GLP2R: variants seen among roughly 807,000 people sequenced by gnomAD.
The protein encoded by GLP2R is glucagon like peptide 2 receptor.
A neutral mutation model predicts 68.2 loss-of-function variants in GLP2R; 59 were observed. The observed-to-expected ratio is 0.87, with a 90% CI of 0.70 to 1.07. The LOEUF is 1.07. GLP2R is among the 50% of genes least tolerant of loss of function. The pLI, the probability that GLP2R is intolerant of heterozygous loss-of-function variation, is 0.00. For missense variants in GLP2R, 548 were observed against 677.4 expected, an observed-to-expected ratio of 0.81 and a Z score of 2.12; for synonymous variants, 270 against 265.4, an observed-to-expected ratio of 1.02 and a Z score of -0.17.
chr17:9,877,856 G>A (rs776626026), intron 10 of GLP2R, among the ~76,000 whole-genome samples: 71 of 131,130 alleles, frequency 5.4e-4, no homozygotes, highest in Admixed American at 1.9e-3. Flanking sequence ...CAGCCTGGGC[G>A]ACAGAACGAG....
chr17:9,837,216 T>C (rs1020803350), intron 3 of GLP2R, among the ~76,000 whole-genome samples: 3 of 152,014 alleles, frequency 2.0e-5, no homozygotes, highest in Non-Finnish European at 4.4e-5. Flanking sequence ...TTATTCATTC[T>C]TTCTATTTTT....
intron 10 of GLP2R, among the ~76,000 whole-genome samples, chr17:9,872,656 T>C (rs2067105894): frequency 6.6e-6 from 1 of 152,162 alleles, no homozygotes; most frequent in African/African-American, 2.4e-5. Flanking sequence ...TGCTAAGGAC[T>C]AGGATGTTGG....
At chr17:9,886,381 T>G (rs1446450857) in intron 11 of GLP2R, among the ~76,000 whole-genome samples, 1 of 152,058 alleles carries the variant, frequency 6.6e-6, no homozygotes, top group East Asian at 1.9e-4. Flanking sequence ...CCTAGGATGT[T>G]CCTAAAACTG....
At position 9,861,140 on chromosome 17, in the gene GLP2R, C is replaced by A; in HGVS notation, c.927C>A (p.Ala309=). 6.2e-7 allele frequency: 1 copy of A among 1,613,416 alleles called. No individual in the cohort carries two copies. Among genetic ancestry groups the A allele is most frequent in the Non-Finnish European group, 8.5e-7 (1 of 1,179,476 alleles). The stretch of plus-strand genomic sequence containing the variant: ...CATTTCCCTGTGTTTTCTCCCCAGC[C>A]TTCCCTGTGCTATTTGTTGTACCCT... ...LWPRYLLLGW[A]FPVLFVVPWG... is the part of the protein sequence containing the mutation. Residue 309 remains alanine, a splice_region_variant and synonymous_variant, in exon 8 of 13, where the codon GCC becomes GCA. Coordinates refer to ENST00000262441, the MANE Select transcript of GLP2R (RefSeq NM_004246.3).
At chr17:9,869,173 G>A (rs1043649053) in intron 9 of GLP2R, among the ~76,000 whole-genome samples, 2 of 151,996 alleles carry the variant, frequency 1.3e-5, no homozygotes, top group East Asian at 1.9e-4. Context: ...CTCCATCACC[G>A]TCCCCCAGGA....
At chr17:9,877,327 AT>A (rs2067149753) in intron 10 of GLP2R, among the ~76,000 whole-genome samples, 1 of 152,224 alleles carries the variant, frequency 6.6e-6, no homozygotes, top group Non-Finnish European at 1.5e-5. Context: ...AGGGACACAA[AT>A]AGTACTTCGT....
intron 2 of GLP2R, 138 bp downstream of exon 2, chr17:9,834,032 C>T: frequency 1.4e-6 from 1 of 709,284 alleles, no homozygotes; most frequent in South Asian, 1.6e-5. Flanking sequence ...CTGGGGATGG[C>T]TTGTTTCCGC....
intron 10 of GLP2R, among the ~76,000 whole-genome samples, chr17:9,871,941 T>C (rs951179429): frequency 1.3e-5 from 2 of 152,122 alleles, no homozygotes; most frequent in African/African-American, 4.8e-5. Flanking sequence ...GCCAGGCTGA[T>C]CTCAAACTCC....
intron 6 of GLP2R, among the ~76,000 whole-genome samples, chr17:9,859,721 A>T (rs1041043040): frequency 1.3e-5 from 2 of 148,340 alleles, no homozygotes. Flanking sequence ...CGGGGGGCTG[A>T]CGCAGGAGAA....
At chr17:9,850,462 G>A (rs893428241) in intron 4 of GLP2R, among the ~76,000 whole-genome samples, 6 of 152,146 alleles carry the variant, frequency 3.9e-5, no homozygotes, top group African/African-American at 1.4e-4. Flanking sequence ...TTGAAATGCA[G>A]GCCATAAGTG....
At chr17:9,860,208 G>A (rs2066975499) in intron 7 of GLP2R, 107 bp downstream of exon 7, 1 of 1,042,926 alleles carries the variant, frequency 9.6e-7, no homozygotes, top group Admixed American at 2.9e-5. Flanking sequence ...TTGCTTCTGG[G>A]ACATATAAGT....
chr17:9,872,608 G>A (rs999901868), intron 10 of GLP2R, among the ~76,000 whole-genome samples: 7 of 152,130 alleles, frequency 4.6e-5, no homozygotes, highest in Admixed American at 2.0e-4. Context: ...CGGTGTACAC[G>A]ATGTAGACCC....
intron 3 of GLP2R, among the ~76,000 whole-genome samples, chr17:9,836,793 C>T (rs1161515531): frequency 6.6e-6 from 1 of 151,784 alleles, no homozygotes; most frequent in Non-Finnish European, 1.5e-5. Context: ...TCCAATTACA[C>T]TCCTTAGTTA....
intron 1 of GLP2R, among the ~76,000 whole-genome samples, chr17:9,828,922 G>A (rs941360945): frequency 1.3e-5 from 2 of 152,056 alleles, no homozygotes; most frequent in African/African-American, 2.4e-5. Flanking sequence ...TCTGTCCTCC[G>A]GGTGTGTCTG....
intron 3 of GLP2R, among the ~76,000 whole-genome samples, chr17:9,840,285 C>A (rs752007750): frequency 6.6e-6 from 1 of 152,160 alleles, no homozygotes; most frequent in Non-Finnish European, 1.5e-5. Flanking sequence ...TCTGAGGCCT[C>A]TTCTATACCT....
intron 4 of GLP2R, among the ~76,000 whole-genome samples, chr17:9,848,007 A>T (rs562251109): frequency 6.6e-6 from 1 of 152,314 alleles, no homozygotes; most frequent in African/African-American, 2.4e-5. Context: ...GACGTGAAGA[A>T]CCTTCAACTG....
intron 4 of GLP2R, among the ~76,000 whole-genome samples, chr17:9,844,561 G>A (rs748413194): frequency 1.1e-4 from 17 of 151,426 alleles, no homozygotes; most frequent in African/African-American, 4.1e-4. Flanking sequence ...CAACAAGATC[G>A]CAGGCTTCTG....
At chr17:9,844,491 G>A (rs548059595) in intron 4 of GLP2R, among the ~76,000 whole-genome samples, 79 of 151,866 alleles carry the variant, frequency 5.2e-4, no homozygotes, top group African/African-American at 1.8e-3. Flanking sequence ...TAGGTTTACC[G>A]AGGAGCAAAA....
At chr17:9,853,493 G>A (rs1188350058) in intron 4 of GLP2R, among the ~76,000 whole-genome samples, 1 of 152,176 alleles carries the variant, frequency 6.6e-6, no homozygotes, top group Non-Finnish European at 1.5e-5. Context: ...ATGAGAGAGA[G>A]AAAGTGAGAG....
Sources: allele counts gnomAD v4.1 joint callset (sites outside exome capture counted in the v4.1 genomes callset), GRCh38; gene constraint gnomAD v4.1.1; transcripts MANE v1.5; gene names NCBI Gene and HGNC (gene_info 2026-07-23, HGNC 2026-07-21).